Variants in ZSCAN5A observed in about 807,000 individuals in gnomAD.
ZSCAN5A encodes zinc finger and SCAN domain containing 5A, also known as zinc finger and SCAN domain-containing protein 5A.
In ZSCAN5A, 12 loss-of-function variants were observed where a neutral mutation model predicts 23.7. The observed-to-expected ratio is 0.51, with a 90% CI of 0.32 to 0.82. The LOEUF (loss-of-function observed/expected upper bound fraction) is 0.82, where lower values mean the gene tolerates loss of function less well. Ranked by LOEUF, ZSCAN5A falls within the 40% of genes least tolerant of loss-of-function variation. The probability of loss-of-function intolerance (pLI) is 0.03; values close to 1 mark genes in which losing one functional copy is unlikely to be tolerated. For synonymous variants in ZSCAN5A, 257 were observed against 239.9 expected, an observed-to-expected ratio of 1.07 and a Z score of -0.66; for missense variants, 597 against 617.9, an observed-to-expected ratio of 0.97 and a Z score of 0.36.
chr19:56,342,049 G>A (rs1179385373), intron 2 of ZSCAN5A, among the ~76,000 whole-genome samples: 1 of 152,024 alleles, frequency 6.6e-6, no homozygotes, highest in Non-Finnish European at 1.5e-5. Context: ...GTGTATAAGT[G>A]TTTTCTTACA....
intron 2 of ZSCAN5A, among the ~76,000 whole-genome samples, chr19:56,353,282 G>C (rs747474618): frequency 7.2e-5 from 11 of 152,178 alleles, no homozygotes; most frequent in Non-Finnish European, 1.6e-4. Flanking sequence ...GAAAGAATAT[G>C]AAAGGTGGGA....
At chr19:56,330,982 A>G (rs144766288) in intron 2 of ZSCAN5A, among the ~76,000 whole-genome samples, 3 of 152,314 alleles carry the variant, frequency 2.0e-5, no homozygotes, top group African/African-American at 7.2e-5. Flanking sequence ...TAATTTTTGT[A>G]TATGGTGAAA....
At chr19:56,321,131 G>A in intron 2 of ZSCAN5A, 1 of 667,524 alleles carries the variant, frequency 1.5e-6, no homozygotes, top group South Asian at 1.5e-5. Flanking sequence ...CACGCTGCTA[G>A]GATGTCGCCC....
chr19:56,223,214 A>G (rs1476273010), intron 4 of ZSCAN5A, among the ~76,000 whole-genome samples: 1 of 152,188 alleles, frequency 6.6e-6, no homozygotes, highest in East Asian at 1.9e-4. Context: ...ATCTCCAGAC[A>G]TGGCCATGTG....
rs768639394 is a variant in ZSCAN5A, at chr19:56,223,702, G to A, written c.517C>T (p.Arg173Cys). 2.5e-5 allele frequency: 40 copies of A among 1,613,844 alleles called. No homozygotes were observed. The highest frequency in any genetic ancestry group is 6.6e-5 in the South Asian group (6 of 91,060). ...CGGTGGGCCTGGCCTTCCCCTGGAC[G>A]CATCTGGTTCACCGAGGAGGCCCGT... ...SQRASSVNQMRPGEGQAHREL... is the reference protein window; with the variant it reads ...SQRASSVNQMCPGEGQAHREL... Residue 173 changes from arginine to cysteine, a missense_variant, in exon 4 of 6, where the codon CGT becomes TGT. Transcript: ENST00000683990.
At chr19:56,247,179 C>T in intron 2 of ZSCAN5A, 35 of 560,700 alleles carry the variant, frequency 6.2e-5, no homozygotes, top group Middle Eastern at 2.8e-4. Context: ...TCACGCAGCT[C>T]TCAGACCTCC....
chr19:56,287,289 T>C (rs2147119901), intron 2 of ZSCAN5A, among the ~76,000 whole-genome samples: 1 of 152,384 alleles, frequency 6.6e-6, no homozygotes, highest in Non-Finnish European at 1.5e-5. Flanking sequence ...GGAAACATTT[T>C]ACGGAAACCT....
intron 2 of ZSCAN5A, among the ~76,000 whole-genome samples, chr19:56,241,487 T>C (rs753069379): frequency 1.1e-4 from 17 of 152,208 alleles, no homozygotes; most frequent in Non-Finnish European, 1.9e-4. Flanking sequence ...TTGTATACAA[T>C]TGGGCACAGC....
At chr19:56,273,158 T>C (rs961370768) in intron 2 of ZSCAN5A, among the ~76,000 whole-genome samples, 2 of 152,168 alleles carry the variant, frequency 1.3e-5, no homozygotes, top group South Asian at 2.1e-4. Flanking sequence ...TTCTGTGACT[T>C]TGGGGAGACA....
Position 56,260,978 on chromosome 19 carries a change from C to T in ZSCAN5A, c.-127-35805G>A, listed in dbSNP as rs182771108. On this transcript the variant is annotated intron_variant, in intron 2 of 5. Coordinates refer to ENST00000683990, the MANE Select transcript of ZSCAN5A (RefSeq NM_001322064.3). The stretch of plus-strand genomic sequence containing the variant: ...ATCCCAACACTTTGGGAGGCCGAGG[C>T]GGGTGGATCATCTGAGGTCAGGAGT... 9.9e-5 allele frequency among the ~76,000 whole-genome samples: 15 copies of T among 151,854 alleles called. 1 individual carries two copies. Among genetic ancestry groups the T allele is most frequent in the Admixed American group, 3.3e-4 (5 of 15,262 alleles).
intron 2 of ZSCAN5A, chr19:56,285,145 G>A: frequency 2.8e-6 from 1 of 355,836 alleles, no homozygotes; most frequent in Non-Finnish European, 3.9e-6. Context: ...TATTATCCAA[G>A]CACATGTTTT....
At chr19:56,316,580 G>T, upstream of ZSCAN5A, 1 of 159,684 alleles carries the variant, frequency 6.3e-6, no homozygotes, top group Non-Finnish European at 1.4e-5. Flanking sequence ...CAAGGAATTT[G>T]GTCTGTAACT....
chr19:56,281,736 C>T, intron 2 of ZSCAN5A: 1 of 982,770 alleles, frequency 1.0e-6, no homozygotes, highest in Non-Finnish European at 1.2e-6. Context: ...AAATGGGGAG[C>T]CCGCCCTTCA....
At chr19:56,227,540 T>G (rs2034068471) in intron 2 of ZSCAN5A, among the ~76,000 whole-genome samples, 1 of 152,194 alleles carries the variant, frequency 6.6e-6, no homozygotes. Flanking sequence ...GAAATCACTT[T>G]GTATTTGATC....
At chr19:56,294,418 T>C (rs146101325) in intron 2 of ZSCAN5A, among the ~76,000 whole-genome samples, 26 of 152,380 alleles carry the variant, frequency 1.7e-4, no homozygotes, top group African/African-American at 6.3e-4. Flanking sequence ...TCTATTTTCC[T>C]ACCTGATTAA....
intron 2 of ZSCAN5A, chr19:56,280,659 T>G (rs1173460158): frequency 6.6e-6 from 1 of 152,208 alleles, no homozygotes; most frequent in African/African-American, 2.4e-5. Flanking sequence ...AGTCCAAGAT[T>G]GAGGGGTTGG....
chr19:56,241,022 A>T lies in ZSCAN5A; in HGVS notation c.-127-15849T>A, dbSNP rs576923625. 2.0e-5 allele frequency among the ~76,000 whole-genome samples: 3 copies of T among 152,310 alleles called. No homozygotes were observed. In the South Asian group the frequency reaches 6.2e-4, roughly 32 times the overall value. ...CCTTGCCGGCCGCACTCCACTTGTT[A>T]AAAAGCATCACTGGATTTTCCCTTT... On this transcript the variant is annotated intron_variant, in intron 2 of 5. Transcript: ENST00000683990.
At chr19:56,312,471 A>C (rs891150611) in intron 2 of ZSCAN5A, 3 of 152,284 alleles carry the variant, frequency 2.0e-5, no homozygotes, top group Admixed American at 6.5e-5. Context: ...AAAAACAAGG[A>C]GAGTCAGACA....
intron 2 of ZSCAN5A, among the ~76,000 whole-genome samples, chr19:56,233,839 G>T (rs778075409): frequency 2.0e-5 from 3 of 152,070 alleles, no homozygotes; most frequent in Non-Finnish European, 4.4e-5. Context: ...CTGTAACAAG[G>T]ATGCAAATGC....
Sources: gnomAD v4.1 joint callset for allele counts (sites outside exome capture counted in the v4.1 genomes callset) on GRCh38, gnomAD v4.1.1 for gene constraint, MANE v1.5 for transcripts, NCBI Gene and HGNC (gene_info 2026-07-23, HGNC 2026-07-21) for gene names.